Variants in SLC44A1 observed in about 807,000 individuals in gnomAD.
SLC44A1 encodes solute carrier family 44 member 1.
In SLC44A1, 26 loss-of-function variants were observed where a neutral mutation model predicts 79.3. That is an observed-to-expected ratio of 0.33 (90% CI 0.24 to 0.46). SLC44A1 has a LOEUF of 0.46. SLC44A1 is among the 20% of genes least tolerant of loss of function. The pLI is 1.00. For synonymous variants in SLC44A1, 263 were observed against 286.2 expected (o/e 0.92, Z 0.82); for missense variants, 688 against 798.1 (o/e 0.86, Z 1.66).
At chr9:105,437,174 G>C (rs1829473710) in intron 15 of SLC44A1, among the ~76,000 whole-genome samples, 1 of 152,004 alleles carries the variant, frequency 6.6e-6, no homozygotes, top group Non-Finnish European at 1.5e-5. Context: ...AATAAGAATG[G>C]TACATAGAAC....
intron 1 of SLC44A1, among the ~76,000 whole-genome samples, chr9:105,281,799 A>G (rs1830359408): frequency 6.6e-6 from 1 of 152,182 alleles, no homozygotes; most frequent in African/African-American, 2.4e-5. Flanking sequence ...GACTTTGTGG[A>G]AAGAAGCAGG....
chr9:105,292,235 G>T (rs1458240381), intron 1 of SLC44A1, among the ~76,000 whole-genome samples: 1 of 152,182 alleles, frequency 6.6e-6, no homozygotes, highest in Non-Finnish European at 1.5e-5. Flanking sequence ...CTAGATATAT[G>T]TGACCAGATA....
At chr9:105,322,130 G>C (rs1234862657) in intron 3 of SLC44A1, among the ~76,000 whole-genome samples, 1 of 152,168 alleles carries the variant, frequency 6.6e-6, no homozygotes, top group African/African-American at 2.4e-5. Flanking sequence ...GTGGAGAAGA[G>C]ATGAGACCAG....
intron 4 of SLC44A1, among the ~76,000 whole-genome samples, chr9:105,339,728 G>A (rs1002364526): frequency 7.9e-5 from 12 of 152,116 alleles, no homozygotes; most frequent in African/African-American, 2.7e-4. Context: ...TGAGGAGGCT[G>A]GGGCAGGAGG....
chr9:105,404,233 CAAAA>C lies in SLC44A1; in HGVS notation c.1950+18750_1950+18753del, dbSNP rs71489339. Among the ~76,000 whole-genome samples the C allele has an allele frequency of 4.8e-3, 215 of 44,440 alleles. 2 individuals carry two copies. The highest frequency in any genetic ancestry group is 0.013 in the African/African-American group (204 of 15,152). The allele number at this position is 44,440 out of a possible 152,430, so 29.2% of individuals were successfully genotyped here. A position where few individuals can be genotyped will look rare whatever the true frequency, so the allele number is the denominator to read the frequency against. On this transcript the variant is annotated intron_variant, in intron 15 of 15. Coordinates refer to the SLC44A1 transcript ENST00000374724. ...CTGGGTGACAGAGCAGGACTCATCT[CAAAA>C]AAAAAAAAAAAAAAAAAAGAATGGA...
At chr9:105,323,085 G>C (rs146779172) in intron 3 of SLC44A1, among the ~76,000 whole-genome samples, 1 of 150,106 alleles carries the variant, frequency 6.7e-6, no homozygotes, top group East Asian at 2.0e-4. Context: ...GCGTGGTGGC[G>C]GGCACCTGTA....
intron 1 of SLC44A1, among the ~76,000 whole-genome samples, chr9:105,263,569 T>C (rs529683368): frequency 8.0e-4 from 120 of 149,524 alleles, no homozygotes; most frequent in Non-Finnish European, 1.5e-3. Flanking sequence ...GGAATTTCAC[T>C]CTTGTTGCCC....
intron 15 of SLC44A1, among the ~76,000 whole-genome samples, chr9:105,416,979 G>T (rs993109995): frequency 1.3e-5 from 2 of 152,190 alleles, no homozygotes; most frequent in Non-Finnish European, 2.9e-5. Flanking sequence ...AAGTAACTTA[G>T]CATTCTGGTA....
At chr9:105,273,711 T>C (rs1237058207) in intron 1 of SLC44A1, among the ~76,000 whole-genome samples, 1 of 152,186 alleles carries the variant, frequency 6.6e-6, no homozygotes, top group African/African-American at 2.4e-5. Context: ...CACAGAGCAG[T>C]GACAGTTCAT....
intron 1 of SLC44A1, among the ~76,000 whole-genome samples, chr9:105,286,079 C>T (rs200682688): frequency 3.3e-5 from 5 of 152,226 alleles, no homozygotes; most frequent in Admixed American, 6.5e-5. Context: ...CCAGCCTGGG[C>T]GACAGAGTGA....
chr9:105,318,731 C>T (rs1368836625), intron 3 of SLC44A1, among the ~76,000 whole-genome samples: 2 of 151,984 alleles, frequency 1.3e-5, no homozygotes, highest in Admixed American at 6.6e-5. Context: ...GATCCAGCTA[C>T]GTACCTTAGA....
chr9:105,276,850 G>T (rs184198206), intron 1 of SLC44A1, among the ~76,000 whole-genome samples: 91 of 152,242 alleles, frequency 6.0e-4, no homozygotes, highest in Non-Finnish European at 1.1e-3. Flanking sequence ...CTAGGGTGTT[G>T]TTCCAAGCCA....
intron 6 of SLC44A1, 92 bp downstream of exon 6, chr9:105,356,473 C>A: frequency 1.2e-6 from 1 of 811,836 alleles, no homozygotes; most frequent in Non-Finnish European, 1.9e-6. Flanking sequence ...ACTGGGGATA[C>A]TTGTAAAATG....
rs1828850604 is a variant in SLC44A1 at position 105,395,185 on chromosome 9, C to T, written c.*6129C>T. 2.0e-6 allele frequency: 2 copies of T among 985,308 alleles called. No homozygotes were observed. The highest frequency in any genetic ancestry group is 3.5e-5 in the African/African-American group (2 of 57,358). 61.0% of individuals were successfully genotyped at this position (985,308 alleles called of 1,614,324 possible). A position where few individuals can be genotyped will look rare whatever the true frequency, so the allele number is the denominator to read the frequency against. ...GAAAAGTCAGCCCCCTACCCCACCCCACACTCCTAGAAAAGTTTGGGGGTT... is the reference window on the plus strand; with the variant it reads ...GAAAAGTCAGCCCCCTACCCCACCCTACACTCCTAGAAAAGTTTGGGGGTT... On this transcript the variant is annotated 3_prime_UTR_variant, in exon 16 of 16. Transcript: ENST00000374720.
chr9:105,248,017 A>G (rs1287259238), intron 1 of SLC44A1, among the ~76,000 whole-genome samples: 1 of 152,224 alleles, frequency 6.6e-6, no homozygotes, highest in Non-Finnish European at 1.5e-5. Context: ...TGACCTGCTT[A>G]ATGTGTATGT....
At chr9:105,386,435 G>C (rs1828627274) in intron 15 of SLC44A1, 1 of 984,024 alleles carries the variant, frequency 1.0e-6, no homozygotes, top group South Asian at 4.7e-5. Context: ...GTGAGGTAAG[G>C]ACTTTCCTTT....
At chr9:105,317,920 A>G (rs1040939147) in intron 3 of SLC44A1, among the ~76,000 whole-genome samples, 8 of 152,128 alleles carry the variant, frequency 5.3e-5, no homozygotes, top group Admixed American at 2.0e-4. Context: ...ACAAATGGAG[A>G]TGCTCTAAGC....
In SLC44A1 at chr9:105,383,297, A is replaced by C. The variant is rs1485639682; in HGVS notation, c.1807A>C (p.Ile603Leu). 4.3e-6 allele frequency: 7 copies of C among 1,613,726 alleles called. No individual in the cohort carries two copies. The highest frequency in any genetic ancestry group is 1.3e-5 in the African/African-American group (1 of 74,920). Residue 603 changes from isoleucine to leucine, a missense_variant, in exon 14 of 16, where the codon ATT (isoleucine) becomes CTT (leucine). Coordinates refer to ENST00000374720, the MANE Select transcript of SLC44A1 (RefSeq NM_080546.5). ...GGATGTATTATTCTTGTGTTTTGCCATTGATACAAAATACAATGATGGGAG... is the reference window on the plus strand; with the variant it reads ...GGATGTATTATTCTTGTGTTTTGCCCTTGATACAAAATACAATGATGGGAG... ...VVDVLFLCFA[I>L]DTKYNDGSPG...
chr9:105,319,689 C>T (rs1417999484), intron 3 of SLC44A1, among the ~76,000 whole-genome samples: 1 of 152,070 alleles, frequency 6.6e-6, no homozygotes, highest in African/African-American at 2.4e-5. Context: ...CCCAAGAGCA[C>T]CAAGTAAACA....
Sources: gnomAD v4.1 joint callset for allele counts (sites outside exome capture counted in the v4.1 genomes callset) on GRCh38, gnomAD v4.1.1 for gene constraint, MANE v1.5 for transcripts, NCBI Gene and HGNC (gene_info 2026-07-23, HGNC 2026-07-21) for gene names.